Variants in SMC6 observed in about 807,000 individuals in gnomAD.
SMC6 encodes structural maintenance of chromosomes 6.
SMC6 carries 79 observed loss-of-function variants against 142.2 expected under a neutral mutation model. That is an observed-to-expected ratio of 0.56 (90% CI 0.46 to 0.67). The LOEUF is 0.67. SMC6 is among the 30% of genes least tolerant of loss of function. SMC6 has a pLI of 0.00. For synonymous variants in SMC6, 411 were observed against 412.4 expected (o/e 1.00, Z 0.04); for missense variants, 1,072 against 1,284.0 (o/e 0.83, Z 2.52).
In SMC6 at chr2:17,707,289, C is replaced by T. The variant is rs369318236; in HGVS notation, c.1936G>A (p.Ala646Thr). 9.4e-6 allele frequency: 15 copies of T among 1,602,988 alleles called. No individual in the cohort carries two copies. Among genetic ancestry groups the T allele is most frequent in the Non-Finnish European group, 8.5e-7 (1 of 1,175,178 alleles). Residue 646 changes from alanine to threonine, a missense_variant, in exon 18 of 28, where the codon GCA becomes ACA. Ala to Thr is a moderately conservative substitution (Grantham distance 58). This residue lies in a region of SMC6 where 994 missense variants were observed against 1,153.2 expected (regional missense o/e 0.86). Coordinates refer to ENST00000448223, the MANE Select transcript of SMC6 (RefSeq NM_001142286.2). ...AFTADGDQVF[A>T]GRYYSSENTR... ...TTTTCAGATGAATAATAACGTCCTG[C>T]AAAAACTTGATCACCATCAGCAGTA...
intron 18 of SMC6, among the ~76,000 whole-genome samples, chr2:17,706,755 C>T (rs1668530162): frequency 6.6e-6 from 1 of 152,056 alleles, no homozygotes; most frequent in Non-Finnish European, 1.5e-5. Flanking sequence ...CTGTATTTTC[C>T]TAGGCATGTG....
chr2:17,703,217 T>A lies in SMC6; in HGVS notation c.2082A>T (p.Lys694Asn). 1 of 1,595,910 alleles carries A rather than the reference T, an allele frequency of 6.3e-7. No individual in the cohort carries two copies. The highest frequency in any genetic ancestry group is 8.6e-7 in the Non-Finnish European group (1 of 1,166,250). ...GAAGTTCCTCATTGTGTTTAATATCTTTTTCAAGGGCAGATAAATGTTGCT... is the reference window on the plus strand; with the variant it reads ...GAAGTTCCTCATTGTGTTTAATATCATTTTCAAGGGCAGATAAATGTTGCT... ...NLQQHLSALE[K>N]DIKHNEELLK... The change falls in exon 19 of 28, where the codon AAA (lysine) becomes AAT (asparagine). Residue 694 changes from lysine (K) to asparagine (N), a missense_variant. Lys to Asn is a moderately conservative substitution (Grantham distance 94). Transcript: ENST00000448223.
At chr2:17,745,724 A>G in intron 3 of SMC6, 103 bp downstream of exon 3, 1 of 1,265,422 alleles carries the variant, frequency 7.9e-7, no homozygotes, top group Non-Finnish European at 1.0e-6. Flanking sequence ...CTTTTAAAAA[A>G]TCATATTACT....
intron 2 of SMC6, among the ~76,000 whole-genome samples, chr2:17,752,764 T>C (rs773246280): frequency 1.3e-5 from 2 of 152,254 alleles, no homozygotes; most frequent in African/African-American, 2.4e-5. Context: ...TATACTATTG[T>C]ACATGTTAAA....
At chr2:17,708,207 A>G (rs1319544044) in intron 17 of SMC6, among the ~76,000 whole-genome samples, 7 of 152,128 alleles carry the variant, frequency 4.6e-5, no homozygotes, top group African/African-American at 1.7e-4. Flanking sequence ...AAACACCTAC[A>G]CAGATAAATA....
intron 23 of SMC6, among the ~76,000 whole-genome samples, chr2:17,690,977 C>G (rs993944769): frequency 6.6e-6 from 1 of 151,092 alleles, no homozygotes; most frequent in Non-Finnish European, 1.5e-5. Flanking sequence ...ACGCTGAGTA[C>G]ATATAAAATA....
At position 17,731,669 on chromosome 2, in the gene SMC6, C is replaced by A. The variant is rs115175127; in HGVS notation, c.481+72G>T. 9,963 of 1,433,650 alleles carry A rather than the reference C, an allele frequency of 6.9e-3. 47 individuals carry two copies. Among genetic ancestry groups the A allele is most frequent in the Non-Finnish European group, 8.2e-3 (8,498 of 1,038,670 alleles). The allele number at this position is 1,433,650 out of a possible 1,614,324, so 88.8% of individuals were successfully genotyped here. A position where few individuals can be genotyped will look rare whatever the true frequency, so the allele number is the denominator to read the frequency against. On this transcript the variant is annotated intron_variant, in intron 6 of 27. Coordinates refer to ENST00000448223, the MANE Select transcript of SMC6 (RefSeq NM_001142286.2). ...TACAAGGAAGATAGTTCAATCAATA[C>A]CAGCAGTCATCTAATTCTTTTTGAG...
chr2:17,670,198 C>T (rs752194171), intron 26 of SMC6, among the ~76,000 whole-genome samples: 1 of 152,048 alleles, frequency 6.6e-6, no homozygotes, highest in Non-Finnish European at 1.5e-5. Context: ...CCATGCTGGG[C>T]GAGAAGAGGA....
At chr2:17,697,124 G>C (rs565910254) in intron 21 of SMC6, among the ~76,000 whole-genome samples, 1 of 152,176 alleles carries the variant, frequency 6.6e-6, no homozygotes, top group South Asian at 2.1e-4. Context: ...ATGAAATATA[G>C]AATGCTTTCT....
In SMC6 at chr2:17,726,115, G is replaced by T. The variant is rs902133940; in HGVS notation, c.624+274C>A. On this transcript the variant is annotated intron_variant, in intron 8 of 27. Transcript: ENST00000448223. ...AAAAAAAAAAAAAAAAAAAAAAAAA[G>T]ATTTACAAGTTATTATGTATGTAGG... Among the ~76,000 whole-genome samples, 410 of 77,904 alleles carry T rather than the reference G, an allele frequency of 5.3e-3. 8 individuals are homozygous for T. Among genetic ancestry groups the T allele is most frequent in the African/African-American group, 0.021 (366 of 17,066 alleles). 51.1% of individuals were successfully genotyped at this position (77,904 alleles called of 152,430 possible).
At chr2:17,741,498 T>C (rs1235363542) in intron 4 of SMC6, 114 bp downstream of exon 4, 8 of 636,916 alleles carry the variant, frequency 1.3e-5, no homozygotes, top group East Asian at 5.3e-5. Context: ...CCACAAGTTA[T>C]ACATCTATAG....
chr2:17,749,081 T>A lies in SMC6; in HGVS notation c.-5-3130A>T, dbSNP rs117354199. Among the ~76,000 whole-genome samples the A allele has an allele frequency of 7.7e-4, 117 of 152,306 alleles. No individual in the cohort carries two copies. The East Asian group carries it at 0.022, about 29-fold the overall frequency. ...AAATAGGAATCACTTTGTAATTTAA[T>A]GATGATGGATTTTCAAACACAGATT... On this transcript the variant is annotated intron_variant, in intron 2 of 27. Coordinates refer to ENST00000448223, the MANE Select transcript of SMC6 (RefSeq NM_001142286.2).
At chr2:17,728,753 A>ATT (rs34420389) in intron 7 of SMC6, among the ~76,000 whole-genome samples, 43 of 148,442 alleles carry the variant, frequency 2.9e-4, no homozygotes, top group African/African-American at 4.7e-4. Context: ...GTCACACACA[A>ATT]TTTTTTTTTT....
intron 2 of SMC6, among the ~76,000 whole-genome samples, chr2:17,746,966 T>C (rs1670782281): frequency 6.6e-6 from 1 of 152,194 alleles, no homozygotes; most frequent in Non-Finnish European, 1.5e-5. Context: ...ACCATGTATA[T>C]ACCTGGCTCC....
At chr2:17,696,649 G>A (rs1248325188) in intron 21 of SMC6, among the ~76,000 whole-genome samples, 1 of 152,102 alleles carries the variant, frequency 6.6e-6, no homozygotes, top group African/African-American at 2.4e-5. Flanking sequence ...GGTACTTTCA[G>A]TTTTATTCTA....
chr2:17,692,646 C>G (rs1461630470), intron 23 of SMC6, among the ~76,000 whole-genome samples: 3 of 152,148 alleles, frequency 2.0e-5, no homozygotes, highest in Admixed American at 6.5e-5. Context: ...TAGGCATGGG[C>G]AAGGACTTCA....
At chr2:17,747,636 G>A (rs1670822256) in intron 2 of SMC6, among the ~76,000 whole-genome samples, 3 of 151,596 alleles carry the variant, frequency 2.0e-5, no homozygotes, top group Admixed American at 2.0e-4. Context: ...CTCCCACGTA[G>A]CTGGGATTAA....
rs566393488 is a variant in SMC6, at chr2:17,673,260, T to A, written c.2911-2685A>T. Among the ~76,000 whole-genome samples the A allele has an allele frequency of 3.3e-5, 5 of 152,336 alleles. 1 individual carries two copies. The highest frequency in any genetic ancestry group is 3.3e-4 in the Admixed American group (5 of 15,300). ...TGTGATGTCAGTCTCTTTCTTACTA[T>A]TTTTTAATTCTAGGTAAGTCTTTTG... On this transcript the variant is annotated intron_variant, in intron 25 of 27. Transcript: ENST00000448223.
chr2:17,739,659 A>G (rs769142130), intron 4 of SMC6, among the ~76,000 whole-genome samples: 12 of 152,060 alleles, frequency 7.9e-5, no homozygotes, highest in Middle Eastern at 6.8e-3. Flanking sequence ...AAATAAATAA[A>G]TAAATTAGGA....
Sources: gnomAD v4.1 joint callset for allele counts (sites outside exome capture counted in the v4.1 genomes callset) on GRCh38, gnomAD v4.1.1 for gene constraint, gnomAD v4.1.1 regional missense constraint, MANE v1.5 for transcripts, NCBI Gene and HGNC (gene_info 2026-07-23, HGNC 2026-07-21) for gene names.